Variants in NKAIN2 observed in about 807,000 individuals in gnomAD.
NKAIN2 encodes the protein sodium/potassium-transporting ATPase subunit beta-1-interacting protein 2.
A neutral mutation model predicts 32.6 loss-of-function variants in NKAIN2; 14 were observed. The ratio of observed to expected loss-of-function variants is 0.43; its 90% CI spans 0.28 to 0.67. NKAIN2 has a LOEUF of 0.67. Ranked by LOEUF, NKAIN2 falls within the 30% of genes least tolerant of loss-of-function variation. The pLI, the probability that NKAIN2 is intolerant of heterozygous loss-of-function variation, is 0.17. For missense variants in NKAIN2, 198 were observed against 258.3 expected (o/e 0.77, Z 1.60); for synonymous variants, 80 against 87.2 (o/e 0.92, Z 0.46).
chr6:124,663,196 G>T (rs1407194094), intron 4 of NKAIN2, among the ~76,000 whole-genome samples: 1 of 152,132 alleles, frequency 6.6e-6, no homozygotes, highest in Non-Finnish European at 1.5e-5. Context: ...GGAGGCCGAG[G>T]CCACTGGATC....
chr6:124,785,154 G>A (rs904179262), intron 4 of NKAIN2, among the ~76,000 whole-genome samples: 1 of 152,000 alleles, frequency 6.6e-6, no homozygotes, highest in Non-Finnish European at 1.5e-5. Flanking sequence ...CTGTTTCTTA[G>A]TTTAGGTAAT....
intron 5 of NKAIN2, among the ~76,000 whole-genome samples, chr6:124,802,925 C>T (rs1426884461): frequency 6.6e-6 from 1 of 152,182 alleles, no homozygotes; most frequent in African/African-American, 2.4e-5. Flanking sequence ...TGATTTCCTT[C>T]CTTGCTTGCA....
chr6:124,470,795 C>A (rs1346460878), intron 3 of NKAIN2, among the ~76,000 whole-genome samples: 1 of 151,842 alleles, frequency 6.6e-6, no homozygotes, highest in African/African-American at 2.4e-5. Context: ...AGCAAAAAAA[C>A]AAGAACAGAA....
intron 1 of NKAIN2, among the ~76,000 whole-genome samples, chr6:124,092,091 C>A (rs1205286166): frequency 2.6e-5 from 4 of 152,002 alleles, no homozygotes; most frequent in African/African-American, 7.2e-5. Context: ...GCCCTTTCAC[C>A]TCAAGTAAGT....
At chr6:124,632,873 C>A (rs1297567735) in intron 3 of NKAIN2, among the ~76,000 whole-genome samples, 1 of 152,174 alleles carries the variant, frequency 6.6e-6, no homozygotes, top group Non-Finnish European at 1.5e-5. Flanking sequence ...TTAAAAGCTT[C>A]TTCATCCAAA....
chr6:124,051,259 G>T (rs1289022221), intron 1 of NKAIN2, among the ~76,000 whole-genome samples: 1 of 151,922 alleles, frequency 6.6e-6, no homozygotes, highest in African/African-American at 2.4e-5. Flanking sequence ...TCTCCCAGGT[G>T]CTTAGAGCTT....
At chr6:124,125,040 T>G (rs900379281) in intron 1 of NKAIN2, among the ~76,000 whole-genome samples, 1 of 152,232 alleles carries the variant, frequency 6.6e-6, no homozygotes, top group East Asian at 1.9e-4. Flanking sequence ...GAGGCCGTAC[T>G]TATTTGAACA....
chr6:124,593,936 A>G (rs559794392), intron 3 of NKAIN2, among the ~76,000 whole-genome samples: 2 of 152,314 alleles, frequency 1.3e-5, no homozygotes, highest in South Asian at 4.1e-4. Context: ...TTCCTAATGT[A>G]TGAGGTTATC....
intron 1 of NKAIN2, among the ~76,000 whole-genome samples, chr6:123,929,734 A>G (rs931356914): frequency 4.6e-5 from 7 of 152,054 alleles, no homozygotes; most frequent in African/African-American, 1.7e-4. Context: ...GGGGTTTTAC[A>G]TTTCAGTATC....
chr6:124,573,635 A>G (rs1278550104), intron 3 of NKAIN2, among the ~76,000 whole-genome samples: 1 of 152,078 alleles, frequency 6.6e-6, no homozygotes, highest in African/African-American at 2.4e-5. Flanking sequence ...TTTTTTTAAG[A>G]TGCAATTTAA....
At chr6:123,945,468 G>T (rs1582822219) in intron 1 of NKAIN2, among the ~76,000 whole-genome samples, 1 of 152,220 alleles carries the variant, frequency 6.6e-6, no homozygotes, top group East Asian at 1.9e-4. Context: ...GATCCAGGCT[G>T]CATTGCCCTC....
chr6:124,603,420 G>C (rs994544054), intron 3 of NKAIN2, among the ~76,000 whole-genome samples: 1 of 151,660 alleles, frequency 6.6e-6, no homozygotes, highest in South Asian at 2.1e-4. Flanking sequence ...TATACATTTA[G>C]TTAACAAGTT....
chr6:124,343,418 A>G (rs1361902683), intron 2 of NKAIN2, among the ~76,000 whole-genome samples: 1 of 150,748 alleles, frequency 6.6e-6, no homozygotes, highest in Non-Finnish European at 1.5e-5. Context: ...TGACTTCCAC[A>G]ATGGTTGAAC....
intron 3 of NKAIN2, among the ~76,000 whole-genome samples, chr6:124,615,857 C>T (rs950358469): frequency 1.3e-5 from 2 of 152,088 alleles, no homozygotes; most frequent in African/African-American, 4.8e-5. Flanking sequence ...TGTTTCTCTG[C>T]CATCTTCAAT....
intron 1 of NKAIN2, among the ~76,000 whole-genome samples, chr6:124,206,666 T>G (rs1790902464): frequency 6.6e-6 from 1 of 151,974 alleles, no homozygotes; most frequent in African/African-American, 2.4e-5. Flanking sequence ...CAGAGTCATA[T>G]TGCTGCCCGT....
chr6:124,566,784 A>G (rs1780931408), intron 3 of NKAIN2, among the ~76,000 whole-genome samples: 1 of 152,180 alleles, frequency 6.6e-6, no homozygotes, highest in Non-Finnish European at 1.5e-5. Flanking sequence ...AGTACTAAAA[A>G]AACCTTAATT....
chr6:124,711,820 G>A lies in NKAIN2; in HGVS notation c.474+53434G>A, dbSNP rs565096687. Among the ~76,000 whole-genome samples, 16 of 152,260 alleles carry A rather than the reference G, an allele frequency of 1.1e-4. No homozygotes were observed. The South Asian group carries it at 1.2e-3, about 12-fold the overall frequency. The stretch of plus-strand genomic sequence containing the variant: ...GTCTGAAGCCTTCTTCTCTCAGCTC[G>A]TCAAAGTCATTCTCCATCAAGCTTT... On this transcript the variant is annotated intron_variant, in intron 4 of 6. Transcript: ENST00000368417.
At position 124,761,355 on chromosome 6, in the gene NKAIN2, A is replaced by C. The variant is rs533751495; in HGVS notation, c.475-29984A>C. On this transcript the variant is annotated intron_variant, in intron 4 of 6. Coordinates refer to ENST00000368417, the MANE Select transcript of NKAIN2 (RefSeq NM_001040214.3). ...GACCTTGATAACCCCATTTATACTC[A>C]GATGATGCTATTACTTCATACCACG... is the stretch of plus-strand genomic sequence containing the variant. 3.9e-5 allele frequency among the ~76,000 whole-genome samples: 6 copies of C among 152,292 alleles called. No homozygotes were observed. The East Asian group carries it at 1.2e-3, about 29-fold the overall frequency.
At chr6:124,552,719 A>T (rs1780336730) in intron 3 of NKAIN2, among the ~76,000 whole-genome samples, 1 of 152,186 alleles carries the variant, frequency 6.6e-6, no homozygotes, top group African/African-American at 2.4e-5. Flanking sequence ...CTCAGAATCA[A>T]TGTCTAAGGG....
Sources: allele counts gnomAD v4.1 joint callset (sites outside exome capture counted in the v4.1 genomes callset), GRCh38; gene constraint gnomAD v4.1.1; transcripts MANE v1.5; gene names NCBI Gene and HGNC (gene_info 2026-07-23, HGNC 2026-07-21).